INPP4B: variants seen among roughly 807,000 people sequenced by gnomAD.
The protein encoded by INPP4B is inositol polyphosphate 4-phosphatase type II.
A neutral mutation model predicts 122.5 loss-of-function variants in INPP4B; 55 were observed. The observed-to-expected ratio is 0.45, with a 90% CI of 0.36 to 0.56. The LOEUF (loss-of-function observed/expected upper bound fraction) is 0.56. Among genes scored for constraint, INPP4B ranks in the 20% least tolerant of loss-of-function variants. The pLI is 0.00. For missense variants in INPP4B, 1,000 were observed against 1,097.7 expected (o/e 0.91, Z 1.26); for synonymous variants, 403 against 388.7 (o/e 1.04, Z -0.43).
At chr4:142,682,184 C>T (rs2150686731) in intron 2 of INPP4B, among the ~76,000 whole-genome samples, 1 of 151,984 alleles carries the variant, frequency 6.6e-6, no homozygotes, top group Non-Finnish European at 1.5e-5. Flanking sequence ...CCAATTTCCA[C>T]AATTTCTCTA....
chr4:142,523,402 T>C (rs1826365220), intron 2 of INPP4B, among the ~76,000 whole-genome samples: 1 of 152,094 alleles, frequency 6.6e-6, no homozygotes, highest in Non-Finnish European at 1.5e-5. Flanking sequence ...AGATGTACAC[T>C]TGTCATGCAA....
intron 12 of INPP4B, among the ~76,000 whole-genome samples, chr4:142,228,013 C>T (rs1019660386): frequency 6.6e-6 from 1 of 151,594 alleles, no homozygotes; most frequent in Non-Finnish European, 1.5e-5. Context: ...AACATTTGGT[C>T]AAGGATGGAA....
At position 142,124,951 on chromosome 4, in the gene INPP4B, C is replaced by A. The variant is rs147476166; in HGVS notation, c.1721-191G>T. Among the ~76,000 whole-genome samples the A allele has an allele frequency of 7.2e-5, 11 of 152,188 alleles. 1 individual carries two copies. In the East Asian group the frequency reaches 1.7e-3, roughly 24 times the overall value. ...ACTCCACAATGTCCATAAGCAGCCACCCATCAGACCTCTCCAAGTGGATGC... is the reference window on the plus strand; with the variant it reads ...ACTCCACAATGTCCATAAGCAGCCAACCATCAGACCTCTCCAAGTGGATGC... On this transcript the variant is annotated intron_variant, in intron 18 of 25. Transcript: ENST00000262992.
At chr4:142,835,049 C>A (rs1354352104) in intron 1 of INPP4B, among the ~76,000 whole-genome samples, 1 of 152,204 alleles carries the variant, frequency 6.6e-6, no homozygotes. Context: ...TGGTAACCCA[C>A]CCATGTGGAA....
intron 2 of INPP4B, among the ~76,000 whole-genome samples, chr4:142,718,855 T>G (rs1764143101): frequency 6.6e-6 from 1 of 152,170 alleles, no homozygotes; most frequent in Admixed American, 6.5e-5. Flanking sequence ...AGTGTTAATC[T>G]TATGAAGTTA....
At chr4:142,714,494 C>T (rs1763518544) in intron 2 of INPP4B, among the ~76,000 whole-genome samples, 1 of 152,188 alleles carries the variant, frequency 6.6e-6, no homozygotes, top group Non-Finnish European at 1.5e-5. Flanking sequence ...GGGATTGCAG[C>T]TTGTGGTGCT....
intron 2 of INPP4B, among the ~76,000 whole-genome samples, chr4:142,463,634 T>C (rs1194986549): frequency 6.6e-6 from 1 of 152,182 alleles, no homozygotes; most frequent in Non-Finnish European, 1.5e-5. Flanking sequence ...ATGGTTCCCT[T>C]AATCCCCACA....
intron 25 of INPP4B, among the ~76,000 whole-genome samples, chr4:142,035,786 G>C (rs1743491473): frequency 6.6e-6 from 1 of 152,120 alleles, no homozygotes; most frequent in Admixed American, 6.5e-5. Flanking sequence ...GAATAATTCT[G>C]GCAATGAGGA....
At chr4:142,509,434 G>A (rs533074389) in intron 2 of INPP4B, among the ~76,000 whole-genome samples, 1 of 151,914 alleles carries the variant, frequency 6.6e-6, no homozygotes, top group South Asian at 2.1e-4. Flanking sequence ...GTGTCCATGT[G>A]TTCTCATTGT....
intron 2 of INPP4B, among the ~76,000 whole-genome samples, chr4:142,615,537 G>T (rs768324232): frequency 6.6e-6 from 1 of 152,148 alleles, no homozygotes; most frequent in African/African-American, 2.4e-5. Context: ...GTTAGCCCTT[G>T]TCTGGCATGG....
intron 7 of INPP4B, among the ~76,000 whole-genome samples, chr4:142,349,119 C>A (rs543422428): frequency 1.3e-5 from 2 of 152,106 alleles, no homozygotes; most frequent in South Asian, 2.1e-4. Context: ...TGGCAATGGT[C>A]ATTTATTTAC....
intron 1 of INPP4B, among the ~76,000 whole-genome samples, chr4:142,791,104 A>G (rs917400580): frequency 2.0e-5 from 3 of 152,168 alleles, no homozygotes; most frequent in African/African-American, 7.2e-5. Context: ...TCAAAGCTGG[A>G]GAAAAATATA....
chr4:142,687,411 G>A (rs1264300767), intron 2 of INPP4B, among the ~76,000 whole-genome samples: 1 of 151,974 alleles, frequency 6.6e-6, no homozygotes, highest in Non-Finnish European at 1.5e-5. Flanking sequence ...GTTAGGACTT[G>A]CACAAAGAAA....
At chr4:142,619,851 G>C (rs989512311) in intron 2 of INPP4B, among the ~76,000 whole-genome samples, 3 of 151,982 alleles carry the variant, frequency 2.0e-5, no homozygotes, top group Non-Finnish European at 4.4e-5. Flanking sequence ...AGGAAAGGAA[G>C]AGAGATACGT....
chr4:142,505,116 G>C (rs765622678), intron 2 of INPP4B, among the ~76,000 whole-genome samples: 1 of 151,890 alleles, frequency 6.6e-6, no homozygotes, highest in Non-Finnish European at 1.5e-5. Context: ...TGGTATGCCT[G>C]TAGTCCCAGC....
intron 7 of INPP4B, among the ~76,000 whole-genome samples, chr4:142,377,901 A>C (rs1792584468): frequency 6.6e-6 from 1 of 152,160 alleles, no homozygotes; most frequent in African/African-American, 2.4e-5. Flanking sequence ...TATGTAACAT[A>C]TCCAGCCTGA....
intron 5 of INPP4B, among the ~76,000 whole-genome samples, chr4:142,421,810 T>C (rs1288750861): frequency 6.6e-6 from 1 of 152,146 alleles, no homozygotes; most frequent in African/African-American, 2.4e-5. Context: ...ATTGTTACAA[T>C]GAATTATACT....
intron 6 of INPP4B, 47 bp downstream of exon 6, chr4:142,405,159 A>AAAAGAG: frequency 2.1e-6 from 2 of 969,576 alleles, no homozygotes; most frequent in East Asian, 2.5e-5. Flanking sequence ...GCGAGCCAGC[A>AAAAGAG]AGAGAGAGAG....
chr4:142,328,427 T>C lies in INPP4B; in HGVS notation c.373-13665A>G, dbSNP rs549612515. 3.9e-5 allele frequency among the ~76,000 whole-genome samples: 6 copies of C among 152,328 alleles called. No individual in the cohort carries two copies. In the South Asian group the frequency reaches 6.2e-4, roughly 16 times the overall value. On this transcript the variant is annotated intron_variant, in intron 7 of 25. Coordinates refer to ENST00000262992, the MANE Select transcript of INPP4B (RefSeq NM_001101669.3). ...CCAATCAGATCTGCAAGGTCAAAAC[T>C]ATATTCACAATAATATTCAAATGGT...
Sources: gnomAD v4.1 joint callset for allele counts (sites outside exome capture counted in the v4.1 genomes callset) on GRCh38, gnomAD v4.1.1 for gene constraint, MANE v1.5 for transcripts, NCBI Gene and HGNC (gene_info 2026-07-23, HGNC 2026-07-21) for gene names.